KDM7A: variants seen among roughly 807,000 people sequenced by gnomAD.
KDM7A encodes the protein lysine demethylase 7A, also known as lysine-specific demethylase 7A.
Under a neutral mutation model 114.8 loss-of-function variants are expected in KDM7A, and 28 were observed. That is an observed-to-expected ratio of 0.24 (90% confidence interval 0.18 to 0.33). The LOEUF is 0.33. Among genes scored for constraint, KDM7A ranks in the 10% least tolerant of loss-of-function variants. KDM7A has a pLI of 1.00. For missense variants in KDM7A, 942 were observed against 1,142.5 expected, an observed-to-expected ratio of 0.82 and a Z score of 2.53; for synonymous variants, 423 against 397.8, an observed-to-expected ratio of 1.06 and a Z score of -0.75.
intron 6 of KDM7A, among the ~76,000 whole-genome samples, chr7:140,126,313 G>A (rs949848100): frequency 2.0e-5 from 3 of 151,856 alleles, no homozygotes; most frequent in Non-Finnish European, 4.4e-5. Flanking sequence ...CTCCTTCACA[G>A]ATATTTAATT....
intron 12 of KDM7A, among the ~76,000 whole-genome samples, chr7:140,100,827 C>A (rs1268313637): frequency 1.3e-5 from 2 of 149,830 alleles, no homozygotes; most frequent in Non-Finnish European, 3.0e-5. Context: ...ATGGCATGAT[C>A]TCGGCTCACT....
At chr7:140,104,996 G>A (rs922598730) in intron 11 of KDM7A, among the ~76,000 whole-genome samples, 2 of 152,142 alleles carry the variant, frequency 1.3e-5, no homozygotes, top group Non-Finnish European at 2.9e-5. Flanking sequence ...TCCTTGAAGA[G>A]GTCCTTCACA....
intron 1 of KDM7A, among the ~76,000 whole-genome samples, chr7:140,165,476 A>C (rs1794563796): frequency 6.6e-6 from 1 of 152,166 alleles, no homozygotes; most frequent in Non-Finnish European, 1.5e-5. Flanking sequence ...TTGTGGTTTC[A>C]CTTTCTAAGG....
In KDM7A at chr7:140,130,089, G is replaced by GA. The variant is rs557298576; in HGVS notation, c.399-437dup. ...TAAGTATAATGCAAATATTCCAAAA[G>GA]AAAAAAAAAATCTGAAATCATTTCT... On this transcript the variant is annotated intron_variant, in intron 3 of 19. Coordinates refer to ENST00000397560, the MANE Select transcript of KDM7A (RefSeq NM_030647.2). Among the ~76,000 whole-genome samples the GA allele has an allele frequency of 6.8e-4, 101 of 148,194 alleles. 1 individual carries two copies. Among genetic ancestry groups the GA allele is most frequent in the South Asian group, 5.7e-3 (27 of 4,740 alleles).
chr7:140,176,570 G>A lies in KDM7A; in HGVS notation c.194+174C>T, dbSNP rs1794711627. On this transcript the variant is annotated intron_variant, in intron 1 of 19. Transcript: ENST00000397560. This position sits in a 1 kb window ranked among gnomAD's most constrained non-coding sequence, Gnocchi z 4.4. ...GGCTCCCCTCTGGAGCCCGCCCGGCGAACCCGGGGCACCGCGCGCCCCACT... is the reference window on the plus strand; with the variant it reads ...GGCTCCCCTCTGGAGCCCGCCCGGCAAACCCGGGGCACCGCGCGCCCCACT... Among the ~76,000 whole-genome samples, 2 of 146,480 alleles carry A rather than the reference G, an allele frequency of 1.4e-5. No individual in the cohort carries two copies. Among genetic ancestry groups the A allele is most frequent in the Admixed American group, 1.4e-4 (2 of 14,764 alleles).
intron 12 of KDM7A, among the ~76,000 whole-genome samples, chr7:140,101,236 G>A (rs534047669): frequency 5.3e-5 from 8 of 152,194 alleles, no homozygotes; most frequent in African/African-American, 1.7e-4. Context: ...CTGCAAAGGC[G>A]CTACACTGAT....
At chr7:140,111,368 AC>A (rs1333724968) in intron 10 of KDM7A, among the ~76,000 whole-genome samples, 184 bp from the exon 11 acceptor site, 1 of 152,222 alleles carries the variant, frequency 6.6e-6, no homozygotes, top group Non-Finnish European at 1.5e-5. Context: ...TCATTAACAT[AC>A]AAAATCCTCT....
At chr7:140,111,009 T>C in intron 11 of KDM7A, 86 bp downstream of exon 11, 1 of 737,720 alleles carries the variant, frequency 1.4e-6, no homozygotes, top group Non-Finnish European at 2.2e-6. Flanking sequence ...TAAGAGTTTT[T>C]AAATATTTGT....
chr7:140,175,375 G>A (rs1794691389), intron 1 of KDM7A, among the ~76,000 whole-genome samples: 1 of 152,122 alleles, frequency 6.6e-6, no homozygotes, highest in Non-Finnish European at 1.5e-5. Context: ...GGGAGGGGGG[G>A]AGCGGAGGCT....
chr7:140,127,211 T>C (rs990010841), intron 5 of KDM7A, among the ~76,000 whole-genome samples: 1 of 152,222 alleles, frequency 6.6e-6, no homozygotes, highest in Non-Finnish European at 1.5e-5. Flanking sequence ...TCCACTCGCC[T>C]TGGCCTCCCA....
rs555803808 is a variant in KDM7A at position 140,135,403 on chromosome 7, A to G, written c.281-1747T>C. Among the ~76,000 whole-genome samples the G allele has an allele frequency of 7.2e-5, 11 of 152,116 alleles. No individual in the cohort carries two copies. In the East Asian group the frequency reaches 7.7e-4, roughly 11 times the overall value. ...ATTTTAGTAGAGATGGGGTTTCACC[A>G]TGTTGGCCAGGATGGTCTCGATCTC... On this transcript the variant is annotated intron_variant, in intron 2 of 19. Transcript: ENST00000397560.
chr7:140,135,360 A>G (rs1485634507), intron 2 of KDM7A, among the ~76,000 whole-genome samples: 4 of 151,978 alleles, frequency 2.6e-5, no homozygotes, highest in East Asian at 1.9e-4. Flanking sequence ...GTGCCACCAC[A>G]TTCGGCTAAT....
Position 140,091,911 on chromosome 7 carries a change from C to A in KDM7A, c.2624G>T (p.Ser875Ile). ...ACCAACTGGCCTTTCTGGGCTTAGA[C>A]TGCCATTACTTATCTGGCACGCCCC... ...TSGACQISNG[S>I]LSPERPVGET... The change falls in exon 19 of 20, where the codon AGT becomes ATT. Residue 875 changes from serine (S) to isoleucine (I), a missense_variant. Ser to Ile is a moderately radical substitution (Grantham distance 142). This residue lies in a region of KDM7A where 512 missense variants were observed against 576.6 expected (regional missense o/e 0.89). Transcript: ENST00000397560. The A allele has an allele frequency of 6.2e-7, 1 of 1,614,052 alleles. No individual in the cohort carries two copies. The highest frequency in any genetic ancestry group is 1.1e-5 in the South Asian group (1 of 91,066).
intron 7 of KDM7A, 123 bp from the exon 8 acceptor site, chr7:140,120,652 G>T: frequency 1.7e-6 from 1 of 603,158 alleles, no homozygotes; most frequent in East Asian, 2.8e-5. Flanking sequence ...CAGTGCTAGA[G>T]AAGTTAATGT....
chr7:140,144,622 A>G (rs1461761448), intron 1 of KDM7A, among the ~76,000 whole-genome samples: 1 of 152,170 alleles, frequency 6.6e-6, no homozygotes, highest in Non-Finnish European at 1.5e-5. Flanking sequence ...GGTGATCTGT[A>G]GAACGAAAGA....
At chr7:140,171,109 C>T (rs1429315186) in intron 1 of KDM7A, among the ~76,000 whole-genome samples, 2 of 151,900 alleles carry the variant, frequency 1.3e-5, no homozygotes, top group Non-Finnish European at 2.9e-5. Flanking sequence ...CTTCAGTGCA[C>T]ATGCAGCTCA....
At chr7:140,100,285 A>G (rs1024768228) in intron 12 of KDM7A, among the ~76,000 whole-genome samples, 4 of 152,226 alleles carry the variant, frequency 2.6e-5, no homozygotes, top group Non-Finnish European at 5.9e-5. Flanking sequence ...AAGTGAATTC[A>G]AAGAAATTTC....
chr7:140,165,667 A>AC (rs1310190995), intron 1 of KDM7A, among the ~76,000 whole-genome samples: 4 of 152,122 alleles, frequency 2.6e-5, no homozygotes, highest in African/African-American at 9.7e-5. Context: ...CTACCTGCCC[A>AC]CAAGTCTCTG....
chr7:140,118,066 GTTTAAC>G (rs1818560210), intron 9 of KDM7A, among the ~76,000 whole-genome samples: 1 of 152,074 alleles, frequency 6.6e-6, no homozygotes, highest in Non-Finnish European at 1.5e-5. Flanking sequence ...TTTTCTTCTT[GTTTAAC>G]TTTAAAATGG....
Sources: allele counts gnomAD v4.1 joint callset (sites outside exome capture counted in the v4.1 genomes callset), GRCh38; gene constraint gnomAD v4.1.1; regional missense constraint gnomAD v4.1.1; non-coding constraint Gnocchi (gnomAD v3.1); transcripts MANE v1.5; gene names NCBI Gene and HGNC (gene_info 2026-07-23, HGNC 2026-07-21).